The following BCKDHB variants were observed in gnomAD, a reference collection of about 807,000 sequenced individuals.
BCKDHB encodes the protein 2-oxoisovalerate dehydrogenase subunit beta, mitochondrial.
Under a neutral mutation model 48.5 loss-of-function variants are expected in BCKDHB, and 41 were observed. That is an observed-to-expected ratio of 0.85 (90% CI 0.66 to 1.10). BCKDHB has a LOEUF of 1.10. BCKDHB is among the 50% of genes least tolerant of loss of function. The pLI, the probability that BCKDHB is intolerant of heterozygous loss-of-function variation, is 0.00. For synonymous variants in BCKDHB, 201 were observed against 174.8 expected, an observed-to-expected ratio of 1.15 and a Z score of -1.18; for missense variants, 496 against 494.2, an observed-to-expected ratio of 1.00 and a Z score of -0.03.
chr6:80,112,865 A>G (rs1769485566), intron 1 of BCKDHB, among the ~76,000 whole-genome samples: 3 of 152,186 alleles, frequency 2.0e-5, no homozygotes, highest in Admixed American at 2.0e-4. Flanking sequence ...ATGGCGTACT[A>G]TGAAATTTGT....
chr6:80,164,100 G>A (rs1043739843), intron 3 of BCKDHB, among the ~76,000 whole-genome samples: 2 of 152,094 alleles, frequency 1.3e-5, no homozygotes, highest in Non-Finnish European at 2.9e-5. Context: ...TGGCATGACC[G>A]TACTCAAGAA....
At chr6:80,335,062 A>G (rs1354406531) in intron 9 of BCKDHB, among the ~76,000 whole-genome samples, 1 of 151,888 alleles carries the variant, frequency 6.6e-6, no homozygotes, top group Non-Finnish European at 1.5e-5. Flanking sequence ...TGGGACAGTA[A>G]CAAGTTTTAG....
At chr6:80,226,013 C>A (rs1443812447) in intron 8 of BCKDHB, among the ~76,000 whole-genome samples, 1 of 152,114 alleles carries the variant, frequency 6.6e-6, no homozygotes, top group Admixed American at 6.5e-5. Flanking sequence ...ACTCTTAATC[C>A]TAAAGTTTAC....
the BCKDHB span, among the ~76,000 whole-genome samples, chr6:80,409,622 A>G: frequency 1.4e-5 from 1 of 70,234 alleles, no homozygotes; most frequent in Non-Finnish European, 2.8e-5. Flanking sequence ...ATATATATAT[A>G]TATATATATG....
In BCKDHB at chr6:80,273,151, G is replaced by T; in HGVS notation, c.968G>T (p.Gly323Val). Residue 323 changes from glycine (G) to valine (V), a missense_variant, in exon 9 of 10, where the codon GGG (glycine) becomes GTG (valine). By Grantham distance (109) the Gly-to-Val change is moderately radical. Coordinates refer to ENST00000320393, the MANE Select transcript of BCKDHB (RefSeq NM_183050.4). The stretch of plus-strand genomic sequence containing the variant: ...CTCTTTCAGTCTGTGATCAAAACAG[G>T]GCGACTGCTAATCAGTCACGAGGCT... ...DTICKSVIKT[G>V]RLLISHEAPL... 1 of 1,613,022 alleles carries T rather than the reference G, an allele frequency of 6.2e-7. No homozygotes were observed. Among genetic ancestry groups the T allele is most frequent in the Non-Finnish European group, 8.5e-7 (1 of 1,179,404 alleles).
At chr6:80,138,583 G>A (rs1014194580) in intron 3 of BCKDHB, among the ~76,000 whole-genome samples, 5 of 152,190 alleles carry the variant, frequency 3.3e-5, no homozygotes, top group African/African-American at 1.2e-4. Context: ...TGAGAATGAT[G>A]ATTTCCAGTT....
intron 6 of BCKDHB, among the ~76,000 whole-genome samples, chr6:80,200,063 CAAAAAA>C (rs55737130): frequency 6.1e-5 from 2 of 32,772 alleles, no homozygotes; most frequent in African/African-American, 1.8e-4. Flanking sequence ...GACCCTGTCT[CAAAAAA>C]AAAAAAAAAA....
chr6:80,390,504 A>C, the BCKDHB span, among the ~76,000 whole-genome samples: 3 of 152,150 alleles, frequency 2.0e-5, no homozygotes, highest in Non-Finnish European at 4.4e-5. Flanking sequence ...GCATGTATAC[A>C]CTTGTGCTAA....
Position 80,324,286 on chromosome 6 carries a change from T to C in BCKDHB, c.1039-19378T>C, listed in dbSNP as rs77228967. 6.1e-3 allele frequency among the ~76,000 whole-genome samples: 925 copies of C among 152,258 alleles called. 10 individuals carry two copies. Among genetic ancestry groups the C allele is most frequent in the African/African-American group, 0.022 (893 of 41,532 alleles). On this transcript the variant is annotated intron_variant, in intron 9 of 9. Coordinates refer to ENST00000320393, the MANE Select transcript of BCKDHB (RefSeq NM_183050.4). ...ACCCAAGAATAATTAAATAAGACTT[T>C]CTGTAGGTGGGACCTAGGCATCTGT...
chr6:80,306,099 G>C (rs1380757593), intron 9 of BCKDHB, among the ~76,000 whole-genome samples: 1 of 152,124 alleles, frequency 6.6e-6, no homozygotes, highest in East Asian at 1.9e-4. Context: ...AACATCACCT[G>C]GCACATAGTG....
chr6:80,270,800 G>T (rs1396079415), intron 8 of BCKDHB, among the ~76,000 whole-genome samples: 1 of 152,084 alleles, frequency 6.6e-6, no homozygotes, highest in Non-Finnish European at 1.5e-5. Flanking sequence ...TGCGTTGTTA[G>T]TGTGCCTGTT....
chr6:80,434,037 G>A, the BCKDHB span, among the ~76,000 whole-genome samples: 6 of 151,950 alleles, frequency 3.9e-5, no homozygotes, highest in Non-Finnish European at 8.8e-5. Flanking sequence ...TATTTGGGAG[G>A]CATCTTTTTA....
the BCKDHB span, among the ~76,000 whole-genome samples, chr6:80,440,506 C>T: frequency 6.6e-6 from 1 of 152,120 alleles, no homozygotes; most frequent in African/African-American, 2.4e-5. Flanking sequence ...ATACCTCAAT[C>T]CTGTGCCGTT....
the BCKDHB span, among the ~76,000 whole-genome samples, chr6:80,388,247 T>C: frequency 6.6e-6 from 1 of 152,156 alleles, no homozygotes; most frequent in East Asian, 1.9e-4. Flanking sequence ...CTCTGCCACT[T>C]GGGCCATATG....
chr6:80,290,124 A>C (rs951544327), intron 9 of BCKDHB, among the ~76,000 whole-genome samples: 2 of 152,176 alleles, frequency 1.3e-5, no homozygotes, highest in African/African-American at 4.8e-5. Context: ...TGGAATGCCA[A>C]CCTAATCCAC....
At chr6:80,390,016 C>T in the BCKDHB span, among the ~76,000 whole-genome samples, 1 of 152,072 alleles carries the variant, frequency 6.6e-6, no homozygotes, top group Non-Finnish European at 1.5e-5. Context: ...CACAACAATC[C>T]CATTAAAATG....
At chr6:80,464,002 G>A in the BCKDHB span, among the ~76,000 whole-genome samples, 2 of 151,986 alleles carry the variant, frequency 1.3e-5, no homozygotes, top group African/African-American at 4.8e-5. Flanking sequence ...TCAAAGCACA[G>A]TCTCTGGTTT....
the BCKDHB span, among the ~76,000 whole-genome samples, chr6:80,378,983 C>T: frequency 6.6e-6 from 1 of 151,936 alleles, no homozygotes; most frequent in South Asian, 2.1e-4. Context: ...AGACCAGGAC[C>T]AGACAGATAC....
intron 9 of BCKDHB, among the ~76,000 whole-genome samples, chr6:80,302,495 G>A (rs377002292): frequency 6.6e-6 from 1 of 152,036 alleles, no homozygotes; most frequent in Non-Finnish European, 1.5e-5. Context: ...AAAATGTTTA[G>A]TTCTGTAATC....
Sources: gnomAD v4.1 joint callset for allele counts (sites outside exome capture counted in the v4.1 genomes callset) on GRCh38, gnomAD v4.1.1 for gene constraint, MANE v1.5 for transcripts, NCBI Gene and HGNC (gene_info 2026-07-23, HGNC 2026-07-21) for gene names.